The following B3GLCT variants were observed in gnomAD, a reference collection of about 807,000 sequenced individuals.
The protein encoded by B3GLCT is beta-1,3-glucosyltransferase.
B3GLCT carries 65 observed loss-of-function variants against 63.4 expected under a neutral mutation model. The ratio of observed to expected loss-of-function variants is 1.03; its 90% CI spans 0.84 to 1.26. The LOEUF (loss-of-function observed/expected upper bound fraction) is 1.26. Ranked by LOEUF, B3GLCT falls within the 50% of genes most tolerant of loss-of-function variation. The pLI is 0.00. For missense variants in B3GLCT, 577 were observed against 604.8 expected, an observed-to-expected ratio of 0.95 and a Z score of 0.48; for synonymous variants, 233 against 219.2, an observed-to-expected ratio of 1.06 and a Z score of -0.55.
intron 12 of B3GLCT, among the ~76,000 whole-genome samples, chr13:31,301,470 A>G (rs139977769): frequency 6.6e-6 from 1 of 152,248 alleles, no homozygotes; most frequent in African/African-American, 2.4e-5. Flanking sequence ...TCTTCCCATA[A>G]TGCAGTCAGG....
chr13:31,284,872 C>A, intron 11 of B3GLCT, 111 bp downstream of exon 11: 1 of 751,320 alleles, frequency 1.3e-6, no homozygotes, highest in Admixed American at 2.1e-5. Flanking sequence ...ATTTTTGCCT[C>A]ATATTAGTTT....
chr13:31,227,506 A>G (rs1260594509), intron 3 of B3GLCT, among the ~76,000 whole-genome samples: 1 of 152,232 alleles, frequency 6.6e-6, no homozygotes, highest in African/African-American at 2.4e-5. Flanking sequence ...TCCAACATAT[A>G]AAGCCGAGAA....
chr13:31,229,886 C>T (rs1870294280), intron 4 of B3GLCT, among the ~76,000 whole-genome samples: 1 of 149,668 alleles, frequency 6.7e-6, no homozygotes, highest in South Asian at 2.1e-4. Context: ...TTGTGTGGGG[C>T]AACTGTAGAT....
At chr13:31,249,812 G>A (rs1871346699) in intron 6 of B3GLCT, among the ~76,000 whole-genome samples, 1 of 152,132 alleles carries the variant, frequency 6.6e-6, no homozygotes, top group Non-Finnish European at 1.5e-5. Flanking sequence ...GCTCAAACCA[G>A]TGTGATTTTT....
intron 12 of B3GLCT, among the ~76,000 whole-genome samples, chr13:31,316,429 AT>A (rs1593317472): frequency 8.6e-6 from 1 of 116,864 alleles, no homozygotes; most frequent in Non-Finnish European, 1.8e-5. Context: ...ATATATATAT[AT>A]AAATTTTTTT....
In B3GLCT at chr13:31,284,674, A is replaced by G. The variant is rs1873231431; in HGVS notation, c.877A>G (p.Ser293Gly). The G allele has an allele frequency of 1.2e-6, 2 of 1,609,450 alleles. No homozygotes were observed. Among genetic ancestry groups the G allele is most frequent in the Non-Finnish European group, 1.7e-6 (2 of 1,175,810 alleles). Residue 293 changes from serine to glycine, a missense_variant, in exon 11 of 15, where the codon AGC (serine) becomes GGC (glycine). Ser to Gly is a moderately conservative substitution (Grantham distance 56, BLOSUM62 0). Transcript: ENST00000343307. Reference sequence around the variant, plus strand: ...ACCTATTGTTAAGCAGACTTGGGAGAGCCAGGCAAGTCTCATTGAATACTA... The same window carrying G: ...ACCTATTGTTAAGCAGACTTGGGAGGGCCAGGCAAGTCTCATTGAATACTA... ...RIPIVKQTWESQASLIEYYSD... is the reference protein window; with the variant it reads ...RIPIVKQTWEGQASLIEYYSD...
chr13:31,212,929 C>G (rs1869346473), intron 1 of B3GLCT, among the ~76,000 whole-genome samples: 1 of 151,078 alleles, frequency 6.6e-6, no homozygotes, highest in Non-Finnish European at 1.5e-5. Flanking sequence ...AAAATAAAGC[C>G]AAAAAATTAA....
intron 6 of B3GLCT, among the ~76,000 whole-genome samples, chr13:31,255,584 G>A (rs527753233): frequency 4.6e-5 from 7 of 152,314 alleles, no homozygotes; most frequent in African/African-American, 1.4e-4. Flanking sequence ...AAACAGCATG[G>A]TACTGGTACC....
chr13:31,311,084 G>A (rs902414110), intron 12 of B3GLCT, among the ~76,000 whole-genome samples: 3 of 152,248 alleles, frequency 2.0e-5, no homozygotes, highest in African/African-American at 7.2e-5. Context: ...AGAATCTTGT[G>A]TCAACAGGAG....
At chr13:31,267,043 T>C (rs746637030) in intron 7 of B3GLCT, among the ~76,000 whole-genome samples, 3 of 152,238 alleles carry the variant, frequency 2.0e-5, no homozygotes, top group Admixed American at 6.5e-5. Flanking sequence ...AGTGCTGGGA[T>C]TACAGGCATG....
At chr13:31,294,388 A>G (rs917880956) in intron 12 of B3GLCT, among the ~76,000 whole-genome samples, 2 of 152,218 alleles carry the variant, frequency 1.3e-5, no homozygotes, top group Non-Finnish European at 2.9e-5. Flanking sequence ...TCTCTTGGAT[A>G]ATATCCTGAA....
chr13:31,292,360 GT>G (rs777160604), intron 12 of B3GLCT, among the ~76,000 whole-genome samples: 2 of 152,250 alleles, frequency 1.3e-5, no homozygotes, highest in East Asian at 3.9e-4. Flanking sequence ...TCTTTTTATT[GT>G]TTGGAATAGT....
chr13:31,267,939 C>G lies in B3GLCT; in HGVS notation c.597-1275C>G, dbSNP rs184323499. Among the ~76,000 whole-genome samples the G allele has an allele frequency of 4.9e-4, 74 of 151,866 alleles. 2 individuals carry two copies. The highest frequency in any genetic ancestry group is 3.5e-3 in the Admixed American group (53 of 15,256). On this transcript the variant is annotated intron_variant, in intron 7 of 14. Coordinates refer to ENST00000343307, the MANE Select transcript of B3GLCT (RefSeq NM_194318.4). ...GACTGCAGCCTTCAACTACTAGGCT[C>G]AAGCGATCCTCCCACCTCAGCCTTC...
chr13:31,299,712 G>A (rs1874131979), intron 12 of B3GLCT, among the ~76,000 whole-genome samples: 1 of 152,114 alleles, frequency 6.6e-6, no homozygotes, highest in Admixed American at 6.5e-5. Flanking sequence ...CATGGATCCA[G>A]GTGACCACCT....
chr13:31,290,980 CTT>C (rs919312436), intron 12 of B3GLCT, among the ~76,000 whole-genome samples: 1 of 152,126 alleles, frequency 6.6e-6, no homozygotes, highest in Non-Finnish European at 1.5e-5. Context: ...CTTCTAGACT[CTT>C]TATGGTTTTA....
chr13:31,208,628 C>CA (rs970974260), intron 1 of B3GLCT, among the ~76,000 whole-genome samples: 1 of 123,532 alleles, frequency 8.1e-6, no homozygotes, highest in African/African-American at 3.5e-5. Context: ...GGCCCCCCCC[C>CA]CCCGCTCACT....
At chr13:31,218,398 C>T (rs1275301769) in intron 2 of B3GLCT, among the ~76,000 whole-genome samples, 1 of 151,990 alleles carries the variant, frequency 6.6e-6, no homozygotes, top group African/African-American at 2.4e-5. Context: ...GTTGCTCAGG[C>T]TGGTCTCAGA....
chr13:31,274,416 A>C, intron 8 of B3GLCT, 93 bp from the exon 9 acceptor site: 1 of 1,499,584 alleles, frequency 6.7e-7, no homozygotes, highest in Admixed American at 1.7e-5. Flanking sequence ...TCTATGGAAG[A>C]TGTGTTCTGC....
intron 12 of B3GLCT, among the ~76,000 whole-genome samples, chr13:31,290,280 G>A (rs981529036): frequency 1.4e-4 from 21 of 152,328 alleles, no homozygotes; most frequent in African/African-American, 4.8e-4. Context: ...GGGCATTTGG[G>A]TTGGTTCCAA....
Sources: gnomAD v4.1 joint callset for allele counts (sites outside exome capture counted in the v4.1 genomes callset) on GRCh38, gnomAD v4.1.1 for gene constraint, MANE v1.5 for transcripts, NCBI Gene and HGNC (gene_info 2026-07-23, HGNC 2026-07-21) for gene names.